The following DMRTC2 variants were observed in gnomAD, a reference collection of about 807,000 sequenced individuals.
DMRTC2 encodes DMRT like family C2, also known as doublesex- and mab-3-related transcription factor C2.
In DMRTC2, 13 loss-of-function variants were observed where a neutral mutation model predicts 39.9. The observed-to-expected ratio is 0.33, with a 90% CI of 0.21 to 0.52. The LOEUF (loss-of-function observed/expected upper bound fraction) is 0.52. Among genes scored for constraint, DMRTC2 ranks in the 20% least tolerant of loss-of-function variants. The pLI, the probability that DMRTC2 is intolerant of heterozygous loss-of-function variation, is 0.96. For missense variants in DMRTC2, 431 were observed against 472.8 expected (o/e 0.91, Z 0.82); for synonymous variants, 189 against 185.2 (o/e 1.02, Z -0.17).
intron 1 of DMRTC2, among the ~76,000 whole-genome samples, chr19:41,845,807 A>G (rs1358416063): frequency 3.9e-5 from 6 of 152,194 alleles, no homozygotes; most frequent in Admixed American, 6.5e-5. Context: ...AGCCTGGGCT[A>G]CAGAGTGAGA....
intron 1 of DMRTC2, 64 bp from the exon 2 acceptor site, chr19:41,847,361 A>G (rs1255312184): frequency 6.7e-7 from 1 of 1,495,014 alleles, no homozygotes. Context: ...TGTGGTCTCC[A>G]GGGCAGGAGG....
Position 41,847,588 on chromosome 19 carries a change from C to T in DMRTC2, c.160C>T (p.Leu54Phe). 1 of 1,614,238 alleles carries T rather than the reference C, an allele frequency of 6.2e-7. No homozygotes were observed. Among genetic ancestry groups the T allele is most frequent in the Non-Finnish European group, 8.5e-7 (1 of 1,180,044 alleles). ...CCGCAACCATGGTGTCACCGCCCAT[C>T]TCAAGGGCCACAAGCGCCTCTGCCT... ...RCRNHGVTAHLKGHKRLCLFQ... is the reference protein window; with the variant it reads ...RCRNHGVTAHFKGHKRLCLFQ... The change falls in exon 2 of 9, where the codon CTC becomes TTC. Residue 54 changes from leucine to phenylalanine, a missense_variant. Transcript: ENST00000269945.
Position 41,850,521 on chromosome 19 carries a change from T to C in DMRTC2, c.817-5T>C. On this transcript the variant is annotated splice_polypyrimidine_tract_variant and splice_region_variant and intron_variant, in intron 7 of 8. Coordinates refer to ENST00000269945, the MANE Select transcript of DMRTC2 (RefSeq NM_001040283.3). Reference sequence around the variant, plus strand: ...CCAGTCTGCTTGTCTCCCTTTCCCTTGCAGGCCTCTGGAGCCTCGTGCCTG... The same window carrying C: ...CCAGTCTGCTTGTCTCCCTTTCCCTCGCAGGCCTCTGGAGCCTCGTGCCTG... 2 of 1,608,542 alleles carry C rather than the reference T, an allele frequency of 1.2e-6. No individual in the cohort carries two copies. Among genetic ancestry groups the C allele is most frequent in the Non-Finnish European group, 8.5e-7 (1 of 1,177,328 alleles).
Position 41,851,780 on chromosome 19 carries a change from T to C in DMRTC2, c.*84T>C. The stretch of plus-strand genomic sequence containing the variant: ...TATATTTAGTGTCTTACTTAAGGAT[T>C]TATGCATGGAATTTAATGTAGTACA... On this transcript the variant is annotated 3_prime_UTR_variant, in exon 9 of 9. Transcript: ENST00000269945. 1 of 1,211,480 alleles carries C rather than the reference T, an allele frequency of 8.3e-7. No individual in the cohort carries two copies. The allele number at this position is 1,211,480 out of a possible 1,614,324, so 75.0% of individuals were successfully genotyped here. A position where few individuals can be genotyped will look rare whatever the true frequency, so the allele number is the denominator to read the frequency against.
Position 41,850,346 on chromosome 19 carries a change from C to G in DMRTC2, c.790C>G (p.Pro264Ala), listed in dbSNP as rs145455346. ...STLILQPCGT[P>A]DPLQLQPQAS... is the part of the protein sequence containing the mutation. Reference sequence around the variant, plus strand: ...TCTGATACTCCAGCCCTGTGGCACCCCAGACCCTCTTCAGCTACAGCCACA... The same window carrying G: ...TCTGATACTCCAGCCCTGTGGCACCGCAGACCCTCTTCAGCTACAGCCACA... The change falls in exon 7 of 9, where the codon CCA becomes GCA. Residue 264 changes from proline (P) to alanine (A), a missense_variant. By Grantham distance (27) the Pro-to-Ala change is conservative. Transcript: ENST00000269945. 5.0e-5 allele frequency: 76 copies of G among 1,519,744 alleles called. No homozygotes were observed. Among genetic ancestry groups the G allele is most frequent in the Non-Finnish European group, 6.3e-5 (71 of 1,135,590 alleles). The allele number at this position is 1,519,744 out of a possible 1,614,324, so 94.1% of individuals were successfully genotyped here.
In DMRTC2 at chr19:41,850,738, G is replaced by A. The variant is rs568150852; in HGVS notation, c.991+38G>A. 4.6e-6 allele frequency: 7 copies of A among 1,520,612 alleles called. No individual in the cohort carries two copies. The South Asian group carries it at 9.1e-5, about 20-fold the overall frequency. The allele number at this position is 1,520,612 out of a possible 1,614,324, so 94.2% of individuals were successfully genotyped here. On this transcript the variant is annotated intron_variant, in intron 8 of 8. Coordinates refer to ENST00000269945, the MANE Select transcript of DMRTC2 (RefSeq NM_001040283.3). ...AGGAGAGGATGGATAGGGATGGCTG[G>A]GAAATGGAGATCACTGAAGTACACA...
Position 41,851,678 on chromosome 19 carries a change from C to T in DMRTC2, c.1086C>T (p.Ser362=), listed in dbSNP as rs2073959471. The change falls in exon 9 of 9, where the codon TCC becomes TCT. Residue 362 remains serine (S), a synonymous_variant. Coordinates refer to ENST00000269945, the MANE Select transcript of DMRTC2 (RefSeq NM_001040283.3). ...SVALHIGRLG[S]ISLLS ...CTCTGCATATTGGCCGTCTGGGGTC[C>T]ATCTCCCTCCTGAGCTAGAAACCCA... 6.2e-7 allele frequency: 1 copy of T among 1,614,054 alleles called. No individual in the cohort carries two copies. Among genetic ancestry groups the T allele is most frequent in the African/African-American group, 1.3e-5 (1 of 74,898 alleles).
chr19:41,848,676 GA>G, intron 4 of DMRTC2, 118 bp from the exon 5 acceptor site: 1 of 1,539,942 alleles, frequency 6.5e-7, no homozygotes, highest in Non-Finnish European at 8.9e-7. Context: ...TAGGCAAAAT[GA>G]GGGGAAAACG....
intron 8 of DMRTC2, 105 bp downstream of exon 8, chr19:41,850,805 C>T (rs781155851): frequency 8.0e-7 from 1 of 1,256,894 alleles, no homozygotes; most frequent in African/African-American, 1.6e-5. Context: ...GGTTGAACGT[C>T]TTCAGGCCCA....
intron 8 of DMRTC2, 90 bp downstream of exon 8, chr19:41,850,790 C>G (rs1186697985): frequency 2.2e-6 from 3 of 1,378,668 alleles, no homozygotes; most frequent in African/African-American, 3.0e-5. Context: ...ATGAGGGGGT[C>G]GACAGGTTGA....
intron 2 of DMRTC2, 23 bp from the exon 3 acceptor site, chr19:41,847,713 G>T: frequency 6.2e-7 from 1 of 1,614,024 alleles, no homozygotes; most frequent in Non-Finnish European, 8.5e-7. Flanking sequence ...GCTGACCTTT[G>T]ACTTGCAACT....
In DMRTC2 at chr19:41,850,087, A is replaced by T. The variant is rs943737110; in HGVS notation, c.756-225A>T. 4.6e-5 allele frequency among the ~76,000 whole-genome samples: 7 copies of T among 152,262 alleles called. No individual in the cohort carries two copies. In the East Asian group the frequency reaches 1.3e-3, roughly 29 times the overall value. The stretch of plus-strand genomic sequence containing the variant: ...AGAGCAAGAGCCTGTCTCAAAAAAA[A>T]AAAAGACACTAGTGATTTCCCATAA... On this transcript the variant is annotated intron_variant, in intron 6 of 8. Coordinates refer to ENST00000269945, the MANE Select transcript of DMRTC2 (RefSeq NM_001040283.3).
At chr19:41,850,165 A>T (rs1358777991) in intron 6 of DMRTC2, 147 bp from the exon 7 acceptor site, 2 of 628,738 alleles carry the variant, frequency 3.2e-6, no homozygotes, top group African/African-American at 3.8e-5. Context: ...ACTTTACTGA[A>T]AACAAAATAA....
chr19:41,849,295 C>CAA (rs1288442812), intron 6 of DMRTC2, 39 bp downstream of exon 6: 14 of 1,606,576 alleles, frequency 8.7e-6, no homozygotes, highest in Non-Finnish European at 1.2e-5. Context: ...TAAGCCTAAG[C>CAA]CTGTGCTGTG....
At chr19:41,851,174 A>G in intron 8 of DMRTC2, 2 of 204,240 alleles carry the variant, frequency 9.8e-6, no homozygotes, top group Admixed American at 5.5e-5. Flanking sequence ...ACCTAGGGGG[A>G]CAGACAGGGA....
chr19:41,845,000 CAG>C, upstream of DMRTC2: 1 of 152,370 alleles, frequency 6.6e-6, no homozygotes, highest in African/African-American at 2.4e-5. Flanking sequence ...CTTTGTGAGA[CAG>C]GGTAAGAAAA....
At chr19:41,850,242 C>A in intron 6 of DMRTC2, 70 bp from the exon 7 acceptor site, 1 of 1,246,124 alleles carries the variant, frequency 8.0e-7, no homozygotes, top group Non-Finnish European at 1.1e-6. Context: ...CAAAATCCTG[C>A]CCCTCTTTCA....
chr19:41,851,340 C>T (rs1323487228), intron 8 of DMRTC2: 5 of 474,742 alleles, frequency 1.1e-5, no homozygotes, highest in Non-Finnish European at 1.9e-5. Flanking sequence ...TGAAGGGGAG[C>T]CAGGGAACGT....
In DMRTC2 at chr19:41,850,603, CGTG is replaced by C; in HGVS notation, c.896_898del (p.Val299del). 1 of 1,613,724 alleles carries C rather than the reference CGTG, an allele frequency of 6.2e-7. No homozygotes were observed. Among genetic ancestry groups the C allele is most frequent in the Non-Finnish European group, 8.5e-7 (1 of 1,179,878 alleles). Reference sequence around the variant, plus strand: ...TGCAGCAAGAGGCAGCTGAAGCCCTCGTGGGGCTGAAAGATTCATCCCAGGCTC... The same window carrying C: ...TGCAGCAAGAGGCAGCTGAAGCCCTCGGGCTGAAAGATTCATCCCAGGCTC... On this transcript the variant is annotated inframe_deletion, in exon 8 of 9. Transcript: ENST00000269945.
Sources: allele counts gnomAD v4.1 joint callset (sites outside exome capture counted in the v4.1 genomes callset), GRCh38; gene constraint gnomAD v4.1.1; transcripts MANE v1.5; gene names NCBI Gene and HGNC (gene_info 2026-07-23, HGNC 2026-07-21).